The following SPOCK1 variants were observed in gnomAD, a reference collection of about 807,000 sequenced individuals.
SPOCK1 encodes the protein testican-1.
Under a neutral mutation model 55.3 loss-of-function variants are expected in SPOCK1, and 23 were observed. The ratio of observed to expected loss-of-function variants is 0.42; its 90% CI spans 0.30 to 0.59. The LOEUF (loss-of-function observed/expected upper bound fraction) is 0.59, where lower values mean the gene tolerates loss of function less well. Ranked by LOEUF, SPOCK1 falls within the 20% of genes least tolerant of loss-of-function variation. The probability of loss-of-function intolerance (pLI) is 0.22; values close to 1 mark genes in which losing one functional copy is unlikely to be tolerated. For missense variants in SPOCK1, 499 were observed against 552.5 expected (o/e 0.90, Z 0.97); for synonymous variants, 226 against 221.0 (o/e 1.02, Z -0.20).
intron 2 of SPOCK1, among the ~76,000 whole-genome samples, chr5:137,494,660 A>G (rs534349009): frequency 1.4e-4 from 21 of 152,380 alleles, no homozygotes; most frequent in African/African-American, 4.6e-4. Context: ...TTAAAAGAAA[A>G]CAGAATAAGT....
intron 5 of SPOCK1, among the ~76,000 whole-genome samples, chr5:137,082,509 G>A (rs1188180497): frequency 1.3e-5 from 2 of 152,206 alleles, no homozygotes; most frequent in African/African-American, 4.8e-5. Flanking sequence ...TACAGACGCA[G>A]GCATTCAGGG....
intron 5 of SPOCK1, among the ~76,000 whole-genome samples, chr5:137,104,534 C>CTGGTCTG (rs1191673598): frequency 6.6e-6 from 1 of 152,192 alleles, no homozygotes; most frequent in African/African-American, 2.4e-5. Flanking sequence ...TGGACTGCTA[C>CTGGTCTG]TGGTCTGTGG....
At chr5:137,300,302 A>T (rs186432785) in intron 2 of SPOCK1, among the ~76,000 whole-genome samples, 1 of 152,216 alleles carries the variant, frequency 6.6e-6, no homozygotes, top group African/African-American at 2.4e-5. Flanking sequence ...GTCTCTGAAC[A>T]TATTTATAAC....
At chr5:137,410,467 A>G (rs1325085397) in intron 2 of SPOCK1, among the ~76,000 whole-genome samples, 1 of 152,194 alleles carries the variant, frequency 6.6e-6, no homozygotes, top group Non-Finnish European at 1.5e-5. Context: ...GAAGCCAGGG[A>G]AAGGCTGTTT....
intron 2 of SPOCK1, among the ~76,000 whole-genome samples, chr5:137,341,763 G>A (rs1374891857): frequency 6.6e-6 from 1 of 152,116 alleles, no homozygotes; most frequent in Non-Finnish European, 1.5e-5. Flanking sequence ...CACTCAAATA[G>A]GTTTGCAAAA....
chr5:137,417,422 T>TTACACATTTTAA (rs1484599942), intron 2 of SPOCK1, among the ~76,000 whole-genome samples: 2 of 151,312 alleles, frequency 1.3e-5, no homozygotes, highest in African/African-American at 4.9e-5. Flanking sequence ...TTACAGAAGA[T>TTACACATTTTAA]GACTTTTGAC....
At chr5:137,160,550 AT>A (rs1754513418) in intron 3 of SPOCK1, among the ~76,000 whole-genome samples, 1 of 37,792 alleles carries the variant, frequency 2.6e-5, no homozygotes, top group Admixed American at 4.5e-4. Context: ...AATATATATA[AT>A]ATATATTATA....
chr5:137,169,886 C>T (rs540453020), intron 3 of SPOCK1, among the ~76,000 whole-genome samples: 79 of 152,334 alleles, frequency 5.2e-4, no homozygotes, highest in African/African-American at 1.8e-3. Context: ...TTTCTCCTTT[C>T]ACCCACATCT....
chr5:137,410,788 C>T (rs1752194288), intron 2 of SPOCK1, among the ~76,000 whole-genome samples: 1 of 152,162 alleles, frequency 6.6e-6, no homozygotes, highest in African/African-American at 2.4e-5. Flanking sequence ...CAGAGACATC[C>T]CATGCACAAA....
intron 3 of SPOCK1, among the ~76,000 whole-genome samples, chr5:137,241,989 C>T (rs994087153): frequency 2.6e-5 from 4 of 152,174 alleles, no homozygotes; most frequent in Non-Finnish European, 1.5e-5. Context: ...CATTCCAGAA[C>T]TGCTTATGAT....
intron 2 of SPOCK1, among the ~76,000 whole-genome samples, chr5:137,397,701 G>A (rs10061635): frequency 0.18 from 27,363 of 152,108 alleles, 2,924 homozygotes; most frequent in African/African-American, 0.28. Flanking sequence ...CCTTGAGCAA[G>A]TCACTTACCC....
intron 5 of SPOCK1, among the ~76,000 whole-genome samples, chr5:137,106,879 A>G (rs1580753664): frequency 6.6e-6 from 1 of 151,866 alleles, no homozygotes; most frequent in South Asian, 2.1e-4. Context: ...CCCTTTCCCT[A>G]CCTCACATGT....
chr5:137,072,822 G>A (rs1446538501), intron 5 of SPOCK1, among the ~76,000 whole-genome samples: 1 of 152,186 alleles, frequency 6.6e-6, no homozygotes, highest in Non-Finnish European at 1.5e-5. Flanking sequence ...ACTGTTGACA[G>A]TTCACAGTTG....
chr5:137,011,322 G>A (rs1318483941), intron 6 of SPOCK1, among the ~76,000 whole-genome samples: 1 of 152,140 alleles, frequency 6.6e-6, no homozygotes, highest in Non-Finnish European at 1.5e-5. Context: ...ATGGTGTGGA[G>A]CACAGGCATA....
At chr5:137,327,243 C>T (rs1758097715) in intron 2 of SPOCK1, among the ~76,000 whole-genome samples, 1 of 152,158 alleles carries the variant, frequency 6.6e-6, no homozygotes, top group African/African-American at 2.4e-5. Context: ...ACCTAAAATG[C>T]TGCCTTCCCC....
chr5:137,011,243 G>A (rs1433114415), intron 6 of SPOCK1, among the ~76,000 whole-genome samples: 1 of 152,178 alleles, frequency 6.6e-6, no homozygotes, highest in Non-Finnish European at 1.5e-5. Context: ...GTGCAATTGA[G>A]TCATTCTGAA....
intron 2 of SPOCK1, among the ~76,000 whole-genome samples, chr5:137,373,671 C>T (rs890552494): frequency 2.0e-5 from 3 of 152,200 alleles, no homozygotes; most frequent in East Asian, 1.9e-4. Flanking sequence ...GCATGCTGGG[C>T]TCATTATCAC....
intron 3 of SPOCK1, among the ~76,000 whole-genome samples, chr5:137,215,452 A>T (rs1240857357): frequency 2.0e-5 from 3 of 152,178 alleles, no homozygotes; most frequent in African/African-American, 7.2e-5. Context: ...AAGCCACAGC[A>T]CCAAAATGTC....
chr5:137,016,855 C>T (rs1751456562), intron 6 of SPOCK1, among the ~76,000 whole-genome samples: 1 of 152,196 alleles, frequency 6.6e-6, no homozygotes, highest in African/African-American at 2.4e-5. Flanking sequence ...TGTGAGATGG[C>T]CCTGCAGGTG....
Sources: allele counts gnomAD v4.1 joint callset (sites outside exome capture counted in the v4.1 genomes callset), GRCh38; gene constraint gnomAD v4.1.1; transcripts MANE v1.5; gene names NCBI Gene and HGNC (gene_info 2026-07-23, HGNC 2026-07-21).